The following SNX25 variants were observed in gnomAD, a reference collection of about 807,000 sequenced individuals.
The protein encoded by SNX25 is sorting nexin 25.
In SNX25, 62 loss-of-function variants were observed where a neutral mutation model predicts 113.7. The observed-to-expected ratio is 0.55, with a 90% CI of 0.44 to 0.67. The LOEUF (loss-of-function observed/expected upper bound fraction) is 0.67. SNX25 is among the 30% of genes least tolerant of loss of function. SNX25 has a pLI of 0.00. For missense variants in SNX25, 1,014 were observed against 1,161.0 expected (o/e 0.87, Z 1.84); for synonymous variants, 421 against 436.2 (o/e 0.97, Z 0.43).
At chr4:185,360,699 A>G (rs1215898118) in intron 16 of SNX25, among the ~76,000 whole-genome samples, 1 of 152,108 alleles carries the variant, frequency 6.6e-6, no homozygotes, top group Non-Finnish European at 1.5e-5. Context: ...CTGTAATCCC[A>G]GCACTTTGGG....
At chr4:185,328,757 G>A (rs1016063956) in intron 9 of SNX25, among the ~76,000 whole-genome samples, 1 of 152,158 alleles carries the variant, frequency 6.6e-6, no homozygotes, top group East Asian at 1.9e-4. Context: ...ACATGAACGC[G>A]AGCAGTGCCT....
In SNX25 at chr4:185,334,691, T is replaced by C. The variant is rs1400382860; in HGVS notation, c.1914+1932T>C. 6.6e-6 allele frequency among the ~76,000 whole-genome samples: 1 copy of C among 152,262 alleles called. No individual in the cohort carries two copies. The highest frequency in any genetic ancestry group is 1.9e-4 in the East Asian group (1 of 5,208). ...AATATTCATTGAATTATTTTCTGCT[T>C]GGTTTGTTTGAAAGACATTATTCAG... On this transcript the variant is annotated intron_variant, in intron 10 of 18. Coordinates refer to ENST00000652585, the MANE Select transcript of SNX25 (RefSeq NM_001378034.2). This position sits in a 1 kb window ranked among gnomAD's most constrained non-coding sequence, Gnocchi z 4.2.
intron 12 of SNX25, among the ~76,000 whole-genome samples, chr4:185,343,669 T>C (rs2095271152): frequency 6.6e-6 from 1 of 152,248 alleles, no homozygotes; most frequent in African/African-American, 2.4e-5. Flanking sequence ...CTAATTCTCC[T>C]TCTACTATGG....
chr4:185,241,992 T>A (rs1291197708), intron 1 of SNX25, among the ~76,000 whole-genome samples: 2 of 152,214 alleles, frequency 1.3e-5, no homozygotes, highest in Non-Finnish European at 2.9e-5. Flanking sequence ...TTTGTTGAAT[T>A]TTCATTAGCT....
chr4:185,366,518 A>G (rs1262076588), downstream of SNX25: 2 of 152,230 alleles, frequency 1.3e-5, no homozygotes, highest in Admixed American at 6.5e-5. Context: ...TTTGAAGTTT[A>G]TATGTAATAA....
intron 1 of SNX25, among the ~76,000 whole-genome samples, chr4:185,223,113 C>A (rs1050208249): frequency 6.6e-6 from 1 of 152,142 alleles, no homozygotes; most frequent in African/African-American, 2.4e-5. Context: ...CTTCCAGAAA[C>A]CCCATACACC....
chr4:185,298,491 A>G (rs574760726), intron 6 of SNX25, among the ~76,000 whole-genome samples: 1 of 152,244 alleles, frequency 6.6e-6, no homozygotes, highest in East Asian at 1.9e-4. Flanking sequence ...TTAAAAAAAT[A>G]CATAGCTTAT....
At chr4:185,273,446 T>G (rs886706294) in intron 5 of SNX25, among the ~76,000 whole-genome samples, 1 of 152,138 alleles carries the variant, frequency 6.6e-6, no homozygotes, top group Admixed American at 6.5e-5. Flanking sequence ...CTGGCTGATA[T>G]TTGATGTATG....
At position 185,363,294 on chromosome 4, in the gene SNX25, A is replaced by T; in HGVS notation, c.2935-91A>T. On this transcript the variant is annotated intron_variant, in intron 18 of 18. Coordinates refer to ENST00000652585, the MANE Select transcript of SNX25 (RefSeq NM_001378034.2). This position sits in a 1 kb window ranked among gnomAD's most constrained non-coding sequence, Gnocchi z 4.2. ...TTACTGAGATAATTTCAGACCTAAA[A>T]TTAGACTTTTCTCTTAGATGCAGAT... The T allele has an allele frequency of 8.2e-7, 1 of 1,226,574 alleles. No homozygotes were observed. Among genetic ancestry groups the T allele is most frequent in the Non-Finnish European group, 1.2e-6 (1 of 855,002 alleles). The allele number at this position is 1,226,574 out of a possible 1,614,324, so 76.0% of individuals were successfully genotyped here.
At chr4:185,281,740 G>A (rs1750592474) in intron 5 of SNX25, among the ~76,000 whole-genome samples, 1 of 152,176 alleles carries the variant, frequency 6.6e-6, no homozygotes, top group Non-Finnish European at 1.5e-5. Context: ...TTTAAGCTGG[G>A]TGCGGTGGTT....
At chr4:185,240,842 G>A (rs1352317707) in intron 1 of SNX25, among the ~76,000 whole-genome samples, 6 of 148,688 alleles carry the variant, frequency 4.0e-5, no homozygotes, top group African/African-American at 1.3e-4. Context: ...CTTCTCAGAC[G>A]GGGCGGCCGG....
intron 1 of SNX25, among the ~76,000 whole-genome samples, chr4:185,233,761 A>G (rs1449842880): frequency 6.6e-6 from 1 of 152,200 alleles, no homozygotes; most frequent in Non-Finnish European, 1.5e-5. Flanking sequence ...TGTTTTGTAA[A>G]GATCTTCAGA....
intron 1 of SNX25, among the ~76,000 whole-genome samples, chr4:185,223,573 G>A (rs188762714): frequency 1.7e-3 from 262 of 152,244 alleles, no homozygotes; most frequent in African/African-American, 5.5e-3. Context: ...AGGCCGAGAA[G>A]GGTAGGACCA....
intron 15 of SNX25, 32 bp from the exon 16 acceptor site, chr4:185,357,639 G>A: frequency 1.3e-6 from 2 of 1,580,642 alleles, no homozygotes; most frequent in Non-Finnish European, 1.7e-6. Context: ...GATGCCCTGT[G>A]ATAAAAAGTT....
At chr4:185,256,869 C>T (rs892127521) in intron 2 of SNX25, among the ~76,000 whole-genome samples, 1 of 152,032 alleles carries the variant, frequency 6.6e-6, no homozygotes. Flanking sequence ...AGTGTTCCTC[C>T]CACCTCGGCC....
chr4:185,331,568 G>A (rs1476379949), intron 9 of SNX25, among the ~76,000 whole-genome samples: 1 of 152,132 alleles, frequency 6.6e-6, no homozygotes, highest in South Asian at 2.1e-4. Context: ...ATCACTTGAG[G>A]TCAGGAGTTC....
chr4:185,253,914 C>A (rs1186417469), intron 2 of SNX25, among the ~76,000 whole-genome samples: 4 of 152,236 alleles, frequency 2.6e-5, no homozygotes, highest in Admixed American at 2.6e-4. Context: ...GCGGAAGATA[C>A]TGCAAGGTCA....
chr4:185,206,983 G>A (rs575013660), upstream of SNX25, among the ~76,000 whole-genome samples: 8 of 152,220 alleles, frequency 5.3e-5, no homozygotes, highest in East Asian at 1.5e-3. Flanking sequence ...TGATGTCCAA[G>A]GATGGGAGAA....
At chr4:185,234,289 C>A (rs559976621) in intron 1 of SNX25, among the ~76,000 whole-genome samples, 9 of 152,258 alleles carry the variant, frequency 5.9e-5, no homozygotes, top group Admixed American at 3.9e-4. Context: ...ACGAAAGGAA[C>A]CTGCTATGAA....
Sources: allele counts gnomAD v4.1 joint callset (sites outside exome capture counted in the v4.1 genomes callset), GRCh38; gene constraint gnomAD v4.1.1; non-coding constraint Gnocchi (gnomAD v3.1); transcripts MANE v1.5; gene names NCBI Gene and HGNC (gene_info 2026-07-23, HGNC 2026-07-21).